Variants in ZDHHC15 observed in about 807,000 individuals in gnomAD.
ZDHHC15 encodes palmitoyltransferase ZDHHC15.
In ZDHHC15, 19 loss-of-function variants were observed where a neutral mutation model predicts 31.7. The ratio of observed to expected loss-of-function variants is 0.60; its 90% CI spans 0.42 to 0.88. The LOEUF (loss-of-function observed/expected upper bound fraction) is 0.88. Among genes scored for constraint, ZDHHC15 ranks in the 40% least tolerant of loss-of-function variants. ZDHHC15 has a pLI of 0.00. For missense variants in ZDHHC15, 209 were observed against 251.2 expected (o/e 0.83, Z 1.14); for synonymous variants, 103 against 90.0 (o/e 1.14, Z -0.82).
intron 3 of ZDHHC15, among the ~76,000 whole-genome samples, chrX:75,474,472 CAT>C (rs35563142): frequency 2.1e-5 from 2 of 97,141 alleles, no homozygotes; most frequent in African/African-American, 7.5e-5. Context: ...CACACACACA[CAT>C]ATATGTACTT....
At chrX:75,451,063 T>C in intron 3 of ZDHHC15, 141 bp from the exon 4 acceptor site, 3 of 698,661 alleles carry the variant, frequency 4.3e-6, no homozygotes, top group Non-Finnish European at 5.9e-6. Flanking sequence ...TAATGTTCTC[T>C]GGATAATTAC....
At chrX:75,408,676 T>C (rs1341684757) in intron 10 of ZDHHC15, among the ~76,000 whole-genome samples, 2 of 112,490 alleles carry the variant, frequency 1.8e-5, no homozygotes, top group African/African-American at 6.5e-5. Flanking sequence ...TGGTTGCAGA[T>C]GACCTGATAT....
At chrX:75,452,715 A>G (rs1351187953) in intron 3 of ZDHHC15, among the ~76,000 whole-genome samples, 1 of 112,115 alleles carries the variant, frequency 8.9e-6, no homozygotes, top group Non-Finnish European at 1.9e-5. Flanking sequence ...TCAAATTAGA[A>G]CTCAGGATTA....
chrX:75,440,980 C>G (rs1029140829), intron 4 of ZDHHC15, among the ~76,000 whole-genome samples: 8 of 111,639 alleles, frequency 7.2e-5, no homozygotes, highest in African/African-American at 2.6e-4. Context: ...ACAGGCCTCA[C>G]CCAACTCCCA....
Position 75,381,032 on chromosome X carries a change from G to T in ZDHHC15, c.968-1834C>A, listed in dbSNP as rs1038113021. Among the ~76,000 whole-genome samples, 4 of 111,358 alleles carry T rather than the reference G, an allele frequency of 3.6e-5. No homozygotes were observed. The Admixed American group carries it at 3.8e-4, about 11-fold the overall frequency. ...GAAGAACAGAGCAAATGACACAGTG[G>T]AGTCTGGGAAAACTTAGGTTGAGTC... On this transcript the variant is annotated intron_variant, in intron 10 of 11. Transcript: ENST00000373367.
At chrX:75,388,553 C>G (rs1296069015) in intron 10 of ZDHHC15, among the ~76,000 whole-genome samples, 5 of 111,240 alleles carry the variant, frequency 4.5e-5, no homozygotes, top group Non-Finnish European at 9.4e-5. Context: ...TTTTGGTAAG[C>G]CTCATGATAG....
intron 1 of ZDHHC15, among the ~76,000 whole-genome samples, chrX:75,521,486 T>C (rs113296516): frequency 0.033 from 3,613 of 109,951 alleles, 68 homozygotes; most frequent in Non-Finnish European, 0.052. Context: ...AAGTGGAAAG[T>C]GGGAATAATA....
At chrX:75,496,314 A>AAT (rs2084998631) in intron 2 of ZDHHC15, among the ~76,000 whole-genome samples, 2 of 111,614 alleles carry the variant, frequency 1.8e-5, no homozygotes, top group South Asian at 7.5e-4. Flanking sequence ...AGCAATCCTA[A>AAT]ATATATATGC....
chrX:75,424,755 G>T lies in ZDHHC15; in HGVS notation c.633C>A (p.Phe211Leu), dbSNP rs771215114. ...CCACAAAGAGAAGAAAAAGGACATG[G>T]AACTTAGAGCGAACACTGGGTAATT... Reference protein sequence around the residue: ...RGELPSVRSKFHVLFLLFVAC... With the variant: ...RGELPSVRSKLHVLFLLFVAC... The change falls in exon 8 of 12, where the codon TTC becomes TTA. Residue 211 changes from phenylalanine (F) to leucine (L), a missense_variant. Phe to Leu is a conservative substitution (Grantham distance 22, BLOSUM62 0). Transcript: ENST00000373367. The T allele has an allele frequency of 2.5e-6, 3 of 1,203,087 alleles. No individual in the cohort carries two copies. The highest frequency in any genetic ancestry group is 3.4e-6 in the Non-Finnish European group (3 of 891,624).
intron 10 of ZDHHC15, among the ~76,000 whole-genome samples, chrX:75,410,418 A>G (rs2083472247): frequency 8.9e-6 from 1 of 112,308 alleles, no homozygotes; most frequent in Admixed American, 9.4e-5. Flanking sequence ...AAAGCCAAGT[A>G]ATCTGATTCT....
intron 3 of ZDHHC15, among the ~76,000 whole-genome samples, chrX:75,457,494 T>C (rs1233130951): frequency 1.8e-5 from 2 of 111,419 alleles, no homozygotes; most frequent in Admixed American, 9.7e-5. Flanking sequence ...TGCAGATTTA[T>C]ATAATCAGTT....
At chrX:75,422,627 C>G (rs1020101072) in intron 8 of ZDHHC15, among the ~76,000 whole-genome samples, 4 of 110,825 alleles carry the variant, frequency 3.6e-5, no homozygotes, top group African/African-American at 1.3e-4. Context: ...CTGTTGGACT[C>G]TAGCTGCATC....
At chrX:75,469,905 A>AAAAT (rs2084476654) in intron 3 of ZDHHC15, among the ~76,000 whole-genome samples, 1 of 111,716 alleles carries the variant, frequency 9.0e-6, no homozygotes, top group African/African-American at 3.3e-5. Flanking sequence ...AGTTTTTTTT[A>AAAAT]TAGTAAGCCT....
In ZDHHC15 at chrX:75,405,040, T is replaced by C. The variant is rs1277877063; in HGVS notation, c.967+12047A>G. On this transcript the variant is annotated intron_variant, in intron 10 of 11. Transcript: ENST00000373367. ...GGCACCCATACACCATGGAATATTA[T>C]TCAGTCATAGAAAAGAATGAGATCA... Among the ~76,000 whole-genome samples the C allele has an allele frequency of 4.5e-5, 5 of 112,222 alleles. No homozygotes were observed. The East Asian group carries it at 1.1e-3, about 25-fold the overall frequency.
intron 4 of ZDHHC15, among the ~76,000 whole-genome samples, chrX:75,442,673 T>C (rs190071174): frequency 8.9e-6 from 1 of 111,740 alleles, no homozygotes; most frequent in East Asian, 2.8e-4. Context: ...TGAAGAACAT[T>C]CCATGCTCAT....
At chrX:75,377,266 G>A (rs1025429170) in intron 11 of ZDHHC15, among the ~76,000 whole-genome samples, 2 of 111,025 alleles carry the variant, frequency 1.8e-5, no homozygotes, top group Non-Finnish European at 3.8e-5. Flanking sequence ...GGAGGCCGAG[G>A]TGGGCAGATC....
intron 10 of ZDHHC15, among the ~76,000 whole-genome samples, chrX:75,381,076 T>C (rs1456040907): frequency 9.0e-6 from 1 of 111,239 alleles, no homozygotes; most frequent in African/African-American, 3.3e-5. Context: ...TTTATGACTT[T>C]ATATAAGTCG....
chrX:75,393,858 T>A (rs762919625), intron 10 of ZDHHC15, among the ~76,000 whole-genome samples: 15 of 111,901 alleles, frequency 1.3e-4, no homozygotes, highest in Non-Finnish European at 2.6e-4. Flanking sequence ...CCAGTCCAAG[T>A]TACAAAACTG....
intron 6 of ZDHHC15, among the ~76,000 whole-genome samples, chrX:75,429,730 AC>A (rs1329415411): frequency 8.9e-6 from 1 of 111,803 alleles, no homozygotes; most frequent in Non-Finnish European, 1.9e-5. Flanking sequence ...TGAATATGAG[AC>A]CATTAGCTTT....
Sources: gnomAD v4.1 joint callset for allele counts (sites outside exome capture counted in the v4.1 genomes callset) on GRCh38, gnomAD v4.1.1 for gene constraint, MANE v1.5 for transcripts, NCBI Gene and HGNC (gene_info 2026-07-23, HGNC 2026-07-21) for gene names.